PCDHGA6: variants seen among roughly 807,000 people sequenced by gnomAD.
PCDHGA6 encodes the protein protocadherin gamma subfamily A, 6.
In PCDHGA6, 41 loss-of-function variants were observed where a neutral mutation model predicts 60.6. The observed-to-expected ratio is 0.68, with a 90% CI of 0.53 to 0.88. The LOEUF (loss-of-function observed/expected upper bound fraction) is 0.88. Ranked by LOEUF, PCDHGA6 falls within the 40% of genes least tolerant of loss-of-function variation. PCDHGA6 has a pLI of 0.00. For synonymous variants in PCDHGA6, 594 were observed against 524.4 expected, an observed-to-expected ratio of 1.13 and a Z score of -1.81; for missense variants, 1,312 against 1,203.0, an observed-to-expected ratio of 1.09 and a Z score of -1.34.
rs771503687 is a variant in PCDHGA6 at position 141,383,368 on chromosome 5, G to T, written c.2424+6861G>T. 3 of 1,614,014 alleles carry T rather than the reference G, an allele frequency of 1.9e-6. No individual in the cohort carries two copies. In the East Asian group the frequency reaches 6.7e-5, roughly 36 times the overall value. ...TGGGGTTCGGTTTCCGTTAAGCGAG[G>T]CTGGGGATCCAGATGTGGGCACGAA... On this transcript the variant is annotated intron_variant, in intron 1 of 3. Coordinates refer to ENST00000517434, the MANE Select transcript of PCDHGA6 (RefSeq NM_018919.3).
Position 141,487,302 on chromosome 5 carries a change from C to T in PCDHGA6, c.2425-7505C>T, listed in dbSNP as rs763268817. 3.7e-6 allele frequency: 6 copies of T among 1,614,154 alleles called. No homozygotes were observed. The highest frequency in any genetic ancestry group is 3.4e-6 in the Non-Finnish European group (4 of 1,180,002). On this transcript the variant is annotated intron_variant, in intron 1 of 3. Transcript: ENST00000517434. This position sits in a 1 kb window ranked among gnomAD's most constrained non-coding sequence, Gnocchi z 5.0. ...TTTGTCTCCTTTGGCTCATTCGTGGCACTACTCTCTAAGTGTCTTCGTGGG... is the reference window on the plus strand; with the variant it reads ...TTTGTCTCCTTTGGCTCATTCGTGGTACTACTCTCTAAGTGTCTTCGTGGG...
intron 3 of PCDHGA6, chr5:141,507,274 C>T (rs1000866082): frequency 1.3e-5 from 2 of 151,532 alleles, no homozygotes; most frequent in Non-Finnish European, 2.9e-5. Context: ...ACTATTTCAG[C>T]ATAAGTCAGT....
chr5:141,512,555 A>C lies in PCDHGA6; in HGVS notation c.*1382A>C, dbSNP rs1294402882. 2.6e-5 allele frequency: 4 copies of C among 152,986 alleles called. No individual in the cohort carries two copies. The highest frequency in any genetic ancestry group is 9.6e-5 in the African/African-American group (4 of 41,472). 9.5% of individuals were successfully genotyped at this position (152,986 alleles called of 1,614,324 possible). A position where few individuals can be genotyped will look rare whatever the true frequency, so the allele number is the denominator to read the frequency against. ...AGTTCCCCAGTGCCTCCTTGTGCAT[A>C]GACCTTCTTCTCCCACCCCCTTCTG... On this transcript the variant is annotated 3_prime_UTR_variant, in exon 4 of 4. Transcript: ENST00000517434.
intron 1 of PCDHGA6, chr5:141,415,035 C>T (rs368588973): frequency 8.9e-5 from 143 of 1,613,460 alleles, no homozygotes; most frequent in Non-Finnish European, 1.1e-4. Flanking sequence ...AGCCGGGACT[C>T]TTCGCGGTGG....
intron 1 of PCDHGA6, chr5:141,422,866 G>C: frequency 1.2e-6 from 2 of 1,614,216 alleles, no homozygotes; most frequent in Non-Finnish European, 8.5e-7. Context: ...CAGCAGCAAC[G>C]TGTCGCTGAG....
At chr5:141,501,198 G>C (rs2299024) in intron 2 of PCDHGA6, among the ~76,000 whole-genome samples, 89,086 of 151,686 alleles carry the variant, frequency 0.59, 27,759 homozygotes, top group African/African-American at 0.8. Context: ...TAAATTCAGG[G>C]TGTTGTCAGG....
intron 1 of PCDHGA6, chr5:141,471,645 T>G (rs891817778): frequency 1.3e-5 from 2 of 152,178 alleles, no homozygotes; most frequent in Non-Finnish European, 2.9e-5. Context: ...AGTAATATAC[T>G]GGATGTGGGG....
intron 1 of PCDHGA6, chr5:141,385,373 T>A (rs754384717): frequency 6.5e-7 from 1 of 1,529,238 alleles, no homozygotes; most frequent in African/African-American, 1.4e-5. Context: ...TTGCATGATA[T>A]TTCTCTATTA....
At chr5:141,405,632 G>A (rs1487962714) in intron 1 of PCDHGA6, 9 of 530,162 alleles carry the variant, frequency 1.7e-5, no homozygotes, top group African/African-American at 1.2e-4. Flanking sequence ...GTGCCACCAC[G>A]CCCGGCTAAT....
chr5:141,434,621 G>A (rs980508411), intron 1 of PCDHGA6, among the ~76,000 whole-genome samples: 1 of 151,966 alleles, frequency 6.6e-6, no homozygotes, highest in Non-Finnish European at 1.5e-5. Flanking sequence ...CCATCTCTTC[G>A]TTTCCCATAA....
At chr5:141,403,081 T>C (rs772246285) in intron 1 of PCDHGA6, 1 of 1,614,048 alleles carries the variant, frequency 6.2e-7, no homozygotes, top group East Asian at 2.2e-5. Flanking sequence ...AAAAGGGCTA[T>C]ATTGTGGGCA....
At chr5:141,426,825 A>G (rs747894160) in intron 1 of PCDHGA6, 26 of 456,582 alleles carry the variant, frequency 5.7e-5, no homozygotes, top group Non-Finnish European at 9.3e-5. Context: ...CTCTCTGATG[A>G]TGGACAAGAC....
intron 1 of PCDHGA6, chr5:141,422,319 TAC>T: frequency 6.5e-7 from 1 of 1,548,220 alleles, no homozygotes; most frequent in Admixed American, 2.1e-5. Flanking sequence ...CTCCTCCAGG[TAC>T]AGTGATTGCT....
chr5:141,408,985 G>A, intron 1 of PCDHGA6: 1 of 1,613,966 alleles, frequency 6.2e-7, no homozygotes, highest in South Asian at 1.1e-5. Context: ...GGTCCCCTGT[G>A]TTGCAAGTGA....
At position 141,489,077 on chromosome 5, in the gene PCDHGA6, C is replaced by T. The variant is rs957205894; in HGVS notation, c.2425-5730C>T. 7 of 325,682 alleles carry T rather than the reference C, an allele frequency of 2.1e-5. 1 individual carries two copies. Among genetic ancestry groups the T allele is most frequent in the South Asian group, 1.5e-4 (3 of 20,214 alleles). 20.2% of individuals were successfully genotyped at this position (325,682 alleles called of 1,614,324 possible). The stretch of plus-strand genomic sequence containing the variant: ...AGCTCCCCTCCCCCCTGCCCACCCC[C>T]GCCACTCGGTGACTAAGAACTGCTG... On this transcript the variant is annotated intron_variant, in intron 1 of 3. Transcript: ENST00000517434. This position sits in a 1 kb window ranked among gnomAD's most constrained non-coding sequence, Gnocchi z 4.5.
intron 1 of PCDHGA6, chr5:141,408,026 G>A (rs1484571389): frequency 2.8e-6 from 3 of 1,081,716 alleles, no homozygotes; most frequent in African/African-American, 3.2e-5. Context: ...ACAACAGAAA[G>A]AAGAAAACCA....
At chr5:141,495,697 A>G (rs1010733016) in intron 2 of PCDHGA6, among the ~76,000 whole-genome samples, 1 of 152,086 alleles carries the variant, frequency 6.6e-6, no homozygotes, top group Non-Finnish European at 1.5e-5. Flanking sequence ...AGTGCTCAAT[A>G]AATGTGGAGT....
In PCDHGA6 at chr5:141,414,129, C is replaced by A. The variant is rs1487550233; in HGVS notation, c.2424+37622C>A. The A allele has an allele frequency of 1.9e-6, 3 of 1,594,152 alleles. No homozygotes were observed. In the Admixed American group the frequency reaches 5.3e-5, roughly 28 times the overall value. ...ATCTAGATTATGAAGAAACCGGTTT[C>A]TATGAAATAGAAATACAAGCAGAAG... On this transcript the variant is annotated intron_variant, in intron 1 of 3. Coordinates refer to ENST00000517434, the MANE Select transcript of PCDHGA6 (RefSeq NM_018919.3).
chr5:141,394,419 G>A, intron 1 of PCDHGA6: 1 of 1,614,224 alleles, frequency 6.2e-7, no homozygotes, highest in Non-Finnish European at 8.5e-7. Context: ...AACAGCCAGC[G>A]ACAGCGGGGA....
Sources: allele counts gnomAD v4.1 joint callset (sites outside exome capture counted in the v4.1 genomes callset), GRCh38; gene constraint gnomAD v4.1.1; non-coding constraint Gnocchi (gnomAD v3.1); transcripts MANE v1.5; gene names NCBI Gene and HGNC (gene_info 2026-07-23, HGNC 2026-07-21).